Variants in MAPK10 observed in about 807,000 individuals in gnomAD.
MAPK10 encodes JNK3 alpha protein kinase.
Under a neutral mutation model 59.3 loss-of-function variants are expected in MAPK10, and 25 were observed. The ratio of observed to expected loss-of-function variants is 0.42; its 90% CI spans 0.31 to 0.59. MAPK10 has a LOEUF of 0.59. Among genes scored for constraint, MAPK10 ranks in the 20% least tolerant of loss-of-function variants. The pLI is 0.15. For synonymous variants in MAPK10, 190 were observed against 200.5 expected (o/e 0.95, Z 0.44); for missense variants, 351 against 568.9 (o/e 0.62, Z 3.90).
chr4:86,520,485 A>T (rs752856126), intron 1 of MAPK10, among the ~76,000 whole-genome samples: 2 of 151,498 alleles, frequency 1.3e-5, no homozygotes, highest in Admixed American at 1.3e-4. Flanking sequence ...TCTTTATGAT[A>T]TCTGTTTCAC....
chr4:86,428,318 A>AT (rs767905884), intron 1 of MAPK10, among the ~76,000 whole-genome samples: 2 of 151,748 alleles, frequency 1.3e-5, no homozygotes, highest in African/African-American at 2.4e-5. Context: ...TAATTTTTGT[A>AT]TTTTTTGTTT....
intron 4 of MAPK10, among the ~76,000 whole-genome samples, chr4:86,131,318 AG>A (rs773586103): frequency 4.6e-5 from 7 of 152,176 alleles, no homozygotes; most frequent in Non-Finnish European, 1.0e-4. Context: ...AGACAGTTTA[AG>A]TGTTTAAGAG....
intron 1 of MAPK10, among the ~76,000 whole-genome samples, chr4:86,559,073 C>A (rs903446188): frequency 2.6e-5 from 4 of 152,092 alleles, no homozygotes; most frequent in Admixed American, 2.0e-4. Context: ...ATGTTAATGG[C>A]TAAAGTAAAC....
At chr4:86,580,268 G>A (rs1377529646) in intron 1 of MAPK10, among the ~76,000 whole-genome samples, 3 of 152,104 alleles carry the variant, frequency 2.0e-5, no homozygotes, top group Non-Finnish European at 2.9e-5. Context: ...GGAGACCAAG[G>A]TGAGTGGATC....
intron 11 of MAPK10, among the ~76,000 whole-genome samples, chr4:86,045,988 A>C (rs1379364086): frequency 6.6e-6 from 1 of 151,830 alleles, no homozygotes; most frequent in Non-Finnish European, 1.5e-5. Flanking sequence ...ACATTTACTT[A>C]TTTATCTTCT....
chr4:86,189,475 A>G (rs1218315750), intron 3 of MAPK10, among the ~76,000 whole-genome samples: 2 of 151,898 alleles, frequency 1.3e-5, no homozygotes, highest in Non-Finnish European at 2.9e-5. Flanking sequence ...ATCCCTTTTA[A>G]TTGTATTCCT....
At chr4:86,519,549 T>A (rs1219393055) in intron 1 of MAPK10, among the ~76,000 whole-genome samples, 1 of 152,162 alleles carries the variant, frequency 6.6e-6, no homozygotes, top group Non-Finnish European at 1.5e-5. Context: ...ACAGCAGATA[T>A]TTGGTTGGTG....
At chr4:86,175,831 G>A (rs978222353) in intron 3 of MAPK10, among the ~76,000 whole-genome samples, 1 of 152,094 alleles carries the variant, frequency 6.6e-6, no homozygotes, top group East Asian at 1.9e-4. Flanking sequence ...TCCCTCATCT[G>A]CACAATTATG....
chr4:86,215,786 C>A (rs959472144), intron 2 of MAPK10, among the ~76,000 whole-genome samples: 1 of 152,030 alleles, frequency 6.6e-6, no homozygotes, highest in Non-Finnish European at 1.5e-5. Context: ...CGCTTGAACC[C>A]GGGAGGCGGA....
chr4:86,047,742 T>C (rs1449566513), intron 11 of MAPK10, among the ~76,000 whole-genome samples: 1 of 152,182 alleles, frequency 6.6e-6, no homozygotes, highest in Non-Finnish European at 1.5e-5. Context: ...AACACTGTGG[T>C]AGGGCCTTGC....
chr4:86,546,413 C>A (rs546705725), intron 1 of MAPK10, among the ~76,000 whole-genome samples: 1 of 151,654 alleles, frequency 6.6e-6, no homozygotes, highest in Non-Finnish European at 1.5e-5. Flanking sequence ...AAAAATTAGC[C>A]GGACATGGTG....
intron 2 of MAPK10, chr4:86,327,785 C>CCAAAAAAAAA (rs2096061045): frequency 1.5e-5 from 1 of 68,930 alleles, no homozygotes; most frequent in Non-Finnish European, 2.5e-5. Flanking sequence ...ACTAAAAATA[C>CCAAAAAAAAA]AAAAAAAAAA....
chr4:86,492,540 C>T (rs1194728001), intron 1 of MAPK10, among the ~76,000 whole-genome samples: 2 of 152,200 alleles, frequency 1.3e-5, no homozygotes, highest in South Asian at 2.1e-4. Context: ...GCTCTATGAC[C>T]TTGGCAAGTC....
chr4:86,485,334 A>T (rs945667773), intron 1 of MAPK10, among the ~76,000 whole-genome samples: 4 of 152,140 alleles, frequency 2.6e-5, no homozygotes, highest in Middle Eastern at 3.2e-3. Flanking sequence ...AAAATTTTTT[A>T]AATATAATAT....
intron 4 of MAPK10, among the ~76,000 whole-genome samples, chr4:86,144,820 A>G (rs186053318): frequency 6.6e-6 from 1 of 152,320 alleles, no homozygotes; most frequent in Admixed American, 6.5e-5. Flanking sequence ...CCACTGATCC[A>G]GAAACTCCAT....
At chr4:86,086,189 T>A (rs28576440) in intron 9 of MAPK10, among the ~76,000 whole-genome samples, 1 of 151,908 alleles carries the variant, frequency 6.6e-6, no homozygotes, top group South Asian at 2.1e-4. Flanking sequence ...AAAATTAATT[T>A]AAAAAATCAA....
At chr4:86,569,608 T>C (rs1761312666) in intron 1 of MAPK10, among the ~76,000 whole-genome samples, 1 of 152,114 alleles carries the variant, frequency 6.6e-6, no homozygotes, top group Non-Finnish European at 1.5e-5. Flanking sequence ...TACCATGAAA[T>C]ATGCTCAGCT....
chr4:86,367,512 C>A (rs927640812), intron 1 of MAPK10, among the ~76,000 whole-genome samples: 1 of 152,104 alleles, frequency 6.6e-6, no homozygotes, highest in African/African-American at 2.4e-5. Flanking sequence ...CTACAGTGAG[C>A]AGGTCTATGC....
At chr4:86,393,968 A>G (rs1742575148) in intron 1 of MAPK10, among the ~76,000 whole-genome samples, 1 of 152,218 alleles carries the variant, frequency 6.6e-6, no homozygotes, top group South Asian at 2.1e-4. Context: ...AGAGAACATC[A>G]GATGACTAAT....
Sources: gnomAD v4.1 joint callset for allele counts (sites outside exome capture counted in the v4.1 genomes callset) on GRCh38, gnomAD v4.1.1 for gene constraint, MANE v1.5 for transcripts, NCBI Gene and HGNC (gene_info 2026-07-23, HGNC 2026-07-21) for gene names.